Variants in ZNF701 observed in about 807,000 individuals in gnomAD.
The protein encoded by ZNF701 is zinc finger protein 701.
Under a neutral mutation model 7.1 loss-of-function variants are expected in ZNF701, and 6 were observed. The observed-to-expected ratio is 0.84, with a 90% CI of 0.46 to 1.66. The LOEUF (loss-of-function observed/expected upper bound fraction) is 1.66, where lower values mean the gene tolerates loss of function less well. ZNF701 is among the 40% of genes most tolerant of loss of function. The probability of loss-of-function intolerance (pLI) is 0.01; values close to 1 mark genes in which losing one functional copy is unlikely to be tolerated. For missense variants in ZNF701, 541 were observed against 559.2 expected, an observed-to-expected ratio of 0.97 and a Z score of 0.33; for synonymous variants, 166 against 188.2, an observed-to-expected ratio of 0.88 and a Z score of 0.97.
At chr19:52,571,369 G>C (rs1002261750) in intron 1 of ZNF701, among the ~76,000 whole-genome samples, 2 of 151,678 alleles carry the variant, frequency 1.3e-5, no homozygotes, top group Admixed American at 6.6e-5. Context: ...GAGTGGGGAC[G>C]GGGGGTAAAA....
At chr19:52,599,980 A>C in the ZNF701 span, among the ~76,000 whole-genome samples, 2 of 152,148 alleles carry the variant, frequency 1.3e-5, no homozygotes, top group Non-Finnish European at 2.9e-5. Flanking sequence ...CTGTTCAACT[A>C]TGTGTCCTCT....
chr19:52,573,403 C>G (rs2059912911), intron 1 of ZNF701, among the ~76,000 whole-genome samples: 1 of 152,110 alleles, frequency 6.6e-6, no homozygotes, highest in Non-Finnish European at 1.5e-5. Context: ...AGCCCAGCTA[C>G]TTTTTGTATT....
chr19:52,587,940 C>T (rs149236593), downstream of ZNF701, among the ~76,000 whole-genome samples: 1,671 of 152,260 alleles, frequency 0.011, 18 homozygotes, highest in Middle Eastern at 0.024. Context: ...GGGGGCTGTG[C>T]TCTGCATGGG....
At chr19:52,589,714 A>G (rs767469911), downstream of ZNF701, among the ~76,000 whole-genome samples, 36 of 152,180 alleles carry the variant, frequency 2.4e-4, no homozygotes, top group Non-Finnish European at 3.8e-4. Flanking sequence ...TTCTGAAATT[A>G]GAAATTTTTG....
chr19:52,576,490 A>G (rs1568501888), intron 3 of ZNF701, among the ~76,000 whole-genome samples: 1 of 152,134 alleles, frequency 6.6e-6, no homozygotes, highest in African/African-American at 2.4e-5. Flanking sequence ...CCAGTGACTG[A>G]GAACACACCA....
chr19:52,597,900 T>C, the ZNF701 span: 1 of 162,014 alleles, frequency 6.2e-6, no homozygotes, highest in Non-Finnish European at 1.4e-5. Flanking sequence ...CGGGTACTAA[T>C]TGGTGGATAG....
At chr19:52,579,024 A>G (rs79795719) in intron 3 of ZNF701, among the ~76,000 whole-genome samples, 9,461 of 130,504 alleles carry the variant, frequency 0.072, 1,031 homozygotes, top group African/African-American at 0.12. Context: ...GGGATTACAG[A>G]CGTGAGCCAC....
Position 52,583,665 on chromosome 19 carries a change from C to A in ZNF701, c.*208C>A. The A allele has an allele frequency of 9.7e-7, 1 of 1,031,764 alleles. No homozygotes were observed. The highest frequency in any genetic ancestry group is 1.5e-6 in the Non-Finnish European group (1 of 651,908). The allele number at this position is 1,031,764 out of a possible 1,614,324, so 63.9% of individuals were successfully genotyped here. On this transcript the variant is annotated 3_prime_UTR_variant, in exon 4 of 4. Transcript: ENST00000391785. ...CAAGGATTTCGGGTGTGATTCACACCTGGCCCAACATACTGGAATTCACAC... is the reference window on the plus strand; with the variant it reads ...CAAGGATTTCGGGTGTGATTCACACATGGCCCAACATACTGGAATTCACAC...
intron 1 of ZNF701, among the ~76,000 whole-genome samples, 154 bp downstream of exon 1, chr19:52,570,484 C>T (rs572454601): frequency 4.5e-4 from 69 of 152,338 alleles, no homozygotes; most frequent in African/African-American, 1.6e-3. Flanking sequence ...CCGGAAGTCG[C>T]TTCCTTTTGT....
At chr19:52,593,804 G>A in the ZNF701 span, among the ~76,000 whole-genome samples, 1 of 113,670 alleles carries the variant, frequency 8.8e-6, no homozygotes, top group Non-Finnish European at 1.9e-5. Context: ...ACGATGGGCG[G>A]CCGGGCAGAG....
the ZNF701 span, chr19:52,597,332 G>T: frequency 0.43 from 230,945 of 539,158 alleles, 50,079 homozygotes; most frequent in Middle Eastern, 0.51. Context: ...ATACTGGACA[G>T]AAATCTTACA....
At position 52,571,370 on chromosome 19, in the gene ZNF701, G is replaced by A. The variant is rs573893032; in HGVS notation, c.-72+1040G>A. Among the ~76,000 whole-genome samples the A allele has an allele frequency of 2.7e-4, 41 of 151,844 alleles. 4 individuals are homozygous for A. In the South Asian group the frequency reaches 8.3e-3, roughly 31 times the overall value. ...TCTGGGGTGCTAGAGAGTGGGGACG[G>A]GGGGTAAAACAGAGAAGAGAGAATT... On this transcript the variant is annotated intron_variant, in intron 1 of 3. Transcript: ENST00000391785.
At chr19:52,595,815 C>T in the ZNF701 span, 35 of 1,609,464 alleles carry the variant, frequency 2.2e-5, no homozygotes, top group Middle Eastern at 1.6e-4. Flanking sequence ...GCACCCATGA[C>T]AGAAACCAAA....
At chr19:52,590,107 G>T (rs868341263), downstream of ZNF701, among the ~76,000 whole-genome samples, 4 of 137,350 alleles carry the variant, frequency 2.9e-5, no homozygotes, top group East Asian at 2.2e-4. Flanking sequence ...TTTTTTTATT[G>T]TTTTTTTTTT....
the ZNF701 span, chr19:52,596,422 C>G: frequency 2.6e-6 from 1 of 389,990 alleles, no homozygotes; most frequent in South Asian, 1.9e-5. Flanking sequence ...TTGAAACACA[C>G]AGGAGAATTC....
At chr19:52,596,759 A>G in the ZNF701 span, 5 of 526,094 alleles carry the variant, frequency 9.5e-6, no homozygotes, top group Non-Finnish European at 2.0e-5. Context: ...GCATAAGGCA[A>G]TTCATACTGG....
chr19:52,582,413 G>C lies in ZNF701; in HGVS notation c.354G>C (p.Lys118Asn), dbSNP rs12460426. The part of the protein sequence containing the change: ...GHEALMTKTK[K>N]LMSSTERHDQ... ...AAGCACTCATGACAAAAACCAAAAA[G>C]TTGATGAGTAGTACAGAGCGACATG... Residue 118 changes from lysine (K) to asparagine (N), a missense_variant, in exon 4 of 4, where the codon AAG (lysine) becomes AAC (asparagine). Coordinates refer to ENST00000391785, the MANE Select transcript of ZNF701 (RefSeq NM_018260.3). The C allele has an allele frequency of 6.2e-7, 1 of 1,613,366 alleles. No homozygotes were observed. Among genetic ancestry groups the C allele is most frequent in the Non-Finnish European group, 8.5e-7 (1 of 1,179,614 alleles).
the ZNF701 span, chr19:52,595,904 T>C: frequency 6.2e-7 from 1 of 1,613,050 alleles, no homozygotes; most frequent in Non-Finnish European, 8.5e-7. Context: ...TGGATCAAGC[T>C]TTCATTCGCA....
intron 3 of ZNF701, among the ~76,000 whole-genome samples, chr19:52,578,543 T>C (rs1231102125): frequency 6.6e-6 from 1 of 152,204 alleles, no homozygotes; most frequent in Non-Finnish European, 1.5e-5. Context: ...CTTTGTCTTA[T>C]GTCTTTATTT....
Sources: gnomAD v4.1 joint callset for allele counts (sites outside exome capture counted in the v4.1 genomes callset) on GRCh38, gnomAD v4.1.1 for gene constraint, MANE v1.5 for transcripts, NCBI Gene and HGNC (gene_info 2026-07-23, HGNC 2026-07-21) for gene names.